NCAM2: variants seen among roughly 807,000 people sequenced by gnomAD.
NCAM2 encodes N-CAM-2.
In NCAM2, 30 loss-of-function variants were observed where a neutral mutation model predicts 98.1. That is an observed-to-expected ratio of 0.31 (90% confidence interval 0.23 to 0.41). The LOEUF is 0.41. Ranked by LOEUF, NCAM2 falls within the 10% of genes least tolerant of loss-of-function variation. NCAM2 has a pLI of 1.00. For synonymous variants in NCAM2, 368 were observed against 342.4 expected, an observed-to-expected ratio of 1.07 and a Z score of -0.83; for missense variants, 867 against 1,005.8, an observed-to-expected ratio of 0.86 and a Z score of 1.87.
chr21:21,321,722 A>G (rs1568931205), intron 5 of NCAM2, among the ~76,000 whole-genome samples: 1 of 152,284 alleles, frequency 6.6e-6, no homozygotes, highest in South Asian at 2.1e-4. Flanking sequence ...ATAGGTGTGC[A>G]GCTTTCATCC....
intron 1 of NCAM2, among the ~76,000 whole-genome samples, chr21:21,279,586 T>G (rs1034022062): frequency 1.3e-5 from 2 of 152,194 alleles, no homozygotes; most frequent in Non-Finnish European, 2.9e-5. Context: ...CTCAAACTCC[T>G]GACCTTGTGA....
intron 1 of NCAM2, among the ~76,000 whole-genome samples, chr21:21,029,047 T>C (rs2064614674): frequency 6.6e-6 from 1 of 152,200 alleles, no homozygotes; most frequent in South Asian, 2.1e-4. Flanking sequence ...AAATGTGGAC[T>C]TAGAATGAAA....
intron 1 of NCAM2, among the ~76,000 whole-genome samples, chr21:21,082,268 T>A (rs1601315406): frequency 3.0e-5 from 3 of 99,794 alleles, no homozygotes; most frequent in African/African-American, 4.1e-5. Flanking sequence ...TTTGTACCTA[T>A]CAGAGCTCAA....
At chr21:21,190,494 G>T (rs2068785714) in intron 1 of NCAM2, among the ~76,000 whole-genome samples, 1 of 152,126 alleles carries the variant, frequency 6.6e-6, no homozygotes, top group South Asian at 2.1e-4. Flanking sequence ...TTGCTCTTCT[G>T]GTTCGACTCT....
intron 1 of NCAM2, among the ~76,000 whole-genome samples, chr21:21,132,199 CTCT>C (rs1169588089): frequency 3.3e-5 from 5 of 152,160 alleles, no homozygotes; most frequent in African/African-American, 1.2e-4. Flanking sequence ...CTTGCTCTCA[CTCT>C]TTTTTACTCT....
At chr21:21,411,170 G>A (rs531317117) in intron 10 of NCAM2, among the ~76,000 whole-genome samples, 34 of 69,854 alleles carry the variant, frequency 4.9e-4, no homozygotes, top group African/African-American at 2.0e-3. Context: ...GGAAAATCTA[G>A]GAAGAAAAAA....
At chr21:20,999,098 C>T (rs2063972837) in intron 1 of NCAM2, among the ~76,000 whole-genome samples, 2 of 151,672 alleles carry the variant, frequency 1.3e-5, no homozygotes, top group Non-Finnish European at 2.9e-5. Context: ...TTTTCCACCC[C>T]TTTCCCAAAA....
Position 21,365,187 on chromosome 21 carries a change from G to A in NCAM2, c.1045-8676G>A, listed in dbSNP as rs948866195. On this transcript the variant is annotated intron_variant, in intron 8 of 17. Coordinates refer to ENST00000400546, the MANE Select transcript of NCAM2 (RefSeq NM_004540.5). ...CACACACACACAGAGAAATACCTCCGGAGATCTTCAGTGCTTTCCGTTGGA... is the reference window on the plus strand; with the variant it reads ...CACACACACACAGAGAAATACCTCCAGAGATCTTCAGTGCTTTCCGTTGGA... Among the ~76,000 whole-genome samples the A allele has an allele frequency of 4.6e-5, 7 of 151,608 alleles. No homozygotes were observed. The East Asian group carries it at 5.9e-4, about 13-fold the overall frequency.
rs1461100294 is a variant in NCAM2 at position 21,036,400 on chromosome 21, A to G, written c.55+37782A>G. On this transcript the variant is annotated intron_variant, in intron 1 of 17. Coordinates refer to ENST00000400546, the MANE Select transcript of NCAM2 (RefSeq NM_004540.5). ...GCAGTTTGCCCAAAAATGAGCAAAA[A>G]TATTTTCTTATCTCTTATGACACCA... is the stretch of plus-strand genomic sequence containing the variant. Among the ~76,000 whole-genome samples the G allele has an allele frequency of 2.6e-5, 4 of 152,166 alleles. No homozygotes were observed. The East Asian group carries it at 5.8e-4, about 22-fold the overall frequency.
intron 1 of NCAM2, among the ~76,000 whole-genome samples, chr21:21,265,395 ATATAT>A (rs531853421): frequency 0.016 from 1,955 of 124,766 alleles, 53 homozygotes; most frequent in African/African-American, 0.053. Context: ...TGTACACACC[ATATAT>A]TATATATGTG....
rs187028356 is a variant in NCAM2 at position 21,333,476 on chromosome 21, A to G, written c.738-2029A>G. On this transcript the variant is annotated intron_variant, in intron 6 of 17. Transcript: ENST00000400546. Reference sequence around the variant, plus strand: ...TCTGCATTAACCTCTATTAATGCCAACCAAATTATGGGTTCCTCATGATGG... The same window carrying G: ...TCTGCATTAACCTCTATTAATGCCAGCCAAATTATGGGTTCCTCATGATGG... Among the ~76,000 whole-genome samples, 35 of 152,302 alleles carry G rather than the reference A, an allele frequency of 2.3e-4. No individual in the cohort carries two copies. The East Asian group carries it at 4.1e-3, about 18-fold the overall frequency.
chr21:21,356,943 C>T (rs992035524), intron 8 of NCAM2, among the ~76,000 whole-genome samples: 2 of 151,730 alleles, frequency 1.3e-5, no homozygotes, highest in South Asian at 2.1e-4. Context: ...GAGCCAAGAT[C>T]GCGCCATTGC....
chr21:21,351,207 C>A (rs1292868572), intron 8 of NCAM2, among the ~76,000 whole-genome samples: 1 of 149,538 alleles, frequency 6.7e-6, no homozygotes, highest in Non-Finnish European at 1.5e-5. Context: ...AGTTAGTTGT[C>A]ACTAACTTTT....
chr21:21,164,497 A>ACTG (rs757590476), intron 1 of NCAM2, among the ~76,000 whole-genome samples: 14 of 152,168 alleles, frequency 9.2e-5, no homozygotes, highest in Non-Finnish European at 1.9e-4. Context: ...CGAGAGACTA[A>ACTG]CTGGACTACC....
chr21:21,127,687 A>G (rs913733376), intron 1 of NCAM2, among the ~76,000 whole-genome samples: 7 of 152,120 alleles, frequency 4.6e-5, no homozygotes, highest in African/African-American at 2.4e-5. Context: ...TTTAGATTCT[A>G]CATATGAGTA....
rs7509767 is a variant in NCAM2, at chr21:21,064,213, G to T, written c.55+65595G>T. Among the ~76,000 whole-genome samples the T allele has an allele frequency of 1.5e-3, 222 of 152,316 alleles. 6 individuals carry two copies. In the South Asian group the frequency reaches 0.045, roughly 31 times the overall value. On this transcript the variant is annotated intron_variant, in intron 1 of 17. Transcript: ENST00000400546. ...GGGGGCAAGGTTCATGCCAGCCACT[G>T]AGGGCGTGCTAAGAATTGTGACTTC...
chr21:21,450,815 C>T (rs1419994883), intron 12 of NCAM2, among the ~76,000 whole-genome samples: 23 of 133,948 alleles, frequency 1.7e-4, no homozygotes, highest in African/African-American at 4.6e-4. Flanking sequence ...CACACACACA[C>T]ACACACACAC....
At chr21:21,421,790 G>A (rs1000434300) in intron 11 of NCAM2, among the ~76,000 whole-genome samples, 1 of 152,170 alleles carries the variant, frequency 6.6e-6, no homozygotes, top group African/African-American at 2.4e-5. Flanking sequence ...ATTTTACAGT[G>A]TAAGAGAATA....
chr21:21,029,065 CAT>C (rs1449855172), intron 1 of NCAM2, among the ~76,000 whole-genome samples: 1 of 151,970 alleles, frequency 6.6e-6, no homozygotes, highest in Non-Finnish European at 1.5e-5. Context: ...AAATGAGTAA[CAT>C]GTTTTAGTGT....
Sources: allele counts gnomAD v4.1 joint callset (sites outside exome capture counted in the v4.1 genomes callset), GRCh38; gene constraint gnomAD v4.1.1; transcripts MANE v1.5; gene names NCBI Gene and HGNC (gene_info 2026-07-23, HGNC 2026-07-21).